Variants in PIK3C2G observed in about 807,000 individuals in gnomAD.
PIK3C2G encodes phosphatidylinositol-4-phosphate 3-kinase catalytic subunit type 2 gamma.
Under a neutral mutation model 181.1 loss-of-function variants are expected in PIK3C2G, and 168 were observed. That is an observed-to-expected ratio of 0.93 (90% CI 0.82 to 1.05). The LOEUF (loss-of-function observed/expected upper bound fraction) is 1.05, where lower values mean the gene tolerates loss of function less well. Ranked by LOEUF, PIK3C2G falls within the 50% of genes least tolerant of loss-of-function variation. The pLI, the probability that PIK3C2G is intolerant of heterozygous loss-of-function variation, is 0.00. For synonymous variants in PIK3C2G, 573 were observed against 592.2 expected (o/e 0.97, Z 0.47); for missense variants, 1,869 against 1,732.8 (o/e 1.08, Z -1.40).
At chr12:18,721,400 G>A in the PIK3C2G span, among the ~76,000 whole-genome samples, 1 of 152,148 alleles carries the variant, frequency 6.6e-6, no homozygotes, top group East Asian at 1.9e-4. Flanking sequence ...TGAAATGCAA[G>A]GTCCTGGCTG....
intron 18 of PIK3C2G, among the ~76,000 whole-genome samples, chr12:18,435,053 C>T (rs982825500): frequency 6.6e-5 from 10 of 151,420 alleles, no homozygotes; most frequent in Non-Finnish European, 1.3e-4. Context: ...ATACGACTGG[C>T]ATCTCAGCTC....
chr12:18,388,035 C>A (rs1398651029), intron 14 of PIK3C2G, among the ~76,000 whole-genome samples: 1 of 152,108 alleles, frequency 6.6e-6, no homozygotes, highest in African/African-American at 2.4e-5. Context: ...TTATCGTCAG[C>A]GTTAGGAAGA....
chr12:18,710,654 G>C, the PIK3C2G span, among the ~76,000 whole-genome samples: 1 of 152,110 alleles, frequency 6.6e-6, no homozygotes, highest in South Asian at 2.1e-4. Flanking sequence ...ATTTAAATGA[G>C]AGGTGATGTT....
At chr12:18,608,651 T>A (rs911683647) in intron 30 of PIK3C2G, among the ~76,000 whole-genome samples, 1 of 152,096 alleles carries the variant, frequency 6.6e-6, no homozygotes, top group African/African-American at 2.4e-5. Context: ...GGCACATGTA[T>A]ATATATGTAA....
the PIK3C2G span, among the ~76,000 whole-genome samples, chr12:18,656,606 T>C: frequency 2.0e-5 from 3 of 152,098 alleles, no homozygotes; most frequent in East Asian, 5.8e-4. Flanking sequence ...CATGGTTACA[T>C]GCACCTGGTG....
At chr12:18,719,748 T>C in the PIK3C2G span, 1 of 657,390 alleles carries the variant, frequency 1.5e-6, no homozygotes, top group Non-Finnish European at 2.4e-6. Context: ...AAAATATTCC[T>C]TTAGAATTAA....
intron 14 of PIK3C2G, among the ~76,000 whole-genome samples, chr12:18,382,451 T>C (rs1942904536): frequency 6.6e-6 from 1 of 152,160 alleles, no homozygotes; most frequent in Non-Finnish European, 1.5e-5. Flanking sequence ...GGGTTCCTGA[T>C]TGTAGTTTGT....
intron 3 of PIK3C2G, among the ~76,000 whole-genome samples, chr12:18,289,813 T>A (rs1949611151): frequency 6.6e-6 from 1 of 152,098 alleles, no homozygotes; most frequent in Non-Finnish European, 1.5e-5. Context: ...AGCTATTAGG[T>A]TTGTGCAAAA....
chr12:18,683,042 G>C, the PIK3C2G span: 1 of 596,872 alleles, frequency 1.7e-6, no homozygotes, highest in Non-Finnish European at 3.0e-6. Context: ...CGCCATGCTG[G>C]GTTAGGACCC....
At chr12:18,500,015 C>A (rs972839737) in intron 22 of PIK3C2G, among the ~76,000 whole-genome samples, 2 of 152,262 alleles carry the variant, frequency 1.3e-5, no homozygotes, top group Non-Finnish European at 2.9e-5. Context: ...TCGCTCTCGG[C>A]GCCTCCTCTG....
intron 28 of PIK3C2G, 119 bp from the exon 29 acceptor site, chr12:18,566,830 T>G (rs1379849389): frequency 1.5e-6 from 1 of 675,448 alleles, no homozygotes; most frequent in Non-Finnish European, 2.7e-6. Context: ...AGACTATGAC[T>G]TTTTCAAATG....
chr12:18,646,822 C>G (rs1038893648), intron 32 of PIK3C2G, among the ~76,000 whole-genome samples: 8 of 151,964 alleles, frequency 5.3e-5, no homozygotes, highest in African/African-American at 1.9e-4. Context: ...GGTACTATGC[C>G]TTTACGTTGC....
At chr12:18,670,150 T>G in the PIK3C2G span, among the ~76,000 whole-genome samples, 6 of 152,056 alleles carry the variant, frequency 3.9e-5, no homozygotes, top group Admixed American at 1.3e-4. Context: ...ACAACAGATA[T>G]CAGATCATTA....
the PIK3C2G span, chr12:18,701,507 T>G: frequency 6.2e-7 from 1 of 1,614,076 alleles, no homozygotes; most frequent in Non-Finnish European, 8.5e-7. Context: ...TCACCTTCTT[T>G]TTCTTGAAAA....
intron 6 of PIK3C2G, among the ~76,000 whole-genome samples, chr12:18,316,468 G>A (rs892356837): frequency 2.0e-5 from 3 of 152,034 alleles, no homozygotes; most frequent in African/African-American, 7.3e-5. Flanking sequence ...AATCACAGTG[G>A]GAATTAAGTT....
At chr12:18,346,603 C>A in intron 10 of PIK3C2G, 38 bp from the exon 11 acceptor site, 1 of 1,231,602 alleles carries the variant, frequency 8.1e-7, no homozygotes, top group Non-Finnish European at 1.2e-6. Flanking sequence ...TAAATATGGC[C>A]CTTCTTAGTG....
At chr12:18,258,598 C>CA (rs1023289355), upstream of PIK3C2G, among the ~76,000 whole-genome samples, 2 of 150,928 alleles carry the variant, frequency 1.3e-5, no homozygotes, top group Non-Finnish European at 2.9e-5. Flanking sequence ...CATGTTGGCG[C>CA]AAATGTCAGG....
At chr12:18,537,558 ATTAC>A in intron 24 of PIK3C2G, among the ~76,000 whole-genome samples, 1 of 152,058 alleles carries the variant, frequency 6.6e-6, no homozygotes, top group East Asian at 1.9e-4. Context: ...AGTGGTCAGT[ATTAC>A]TTACATAATG....
chr12:18,277,318 T>C (rs536422103), intron 1 of PIK3C2G, among the ~76,000 whole-genome samples: 3 of 152,192 alleles, frequency 2.0e-5, no homozygotes, highest in East Asian at 1.9e-4. Context: ...TACTTGGGAA[T>C]TGGTTGAGCA....
Sources: allele counts gnomAD v4.1 joint callset (sites outside exome capture counted in the v4.1 genomes callset), GRCh38; gene constraint gnomAD v4.1.1; transcripts MANE v1.5; gene names NCBI Gene and HGNC (gene_info 2026-07-23, HGNC 2026-07-21).